MORC2: variants seen among roughly 807,000 people sequenced by gnomAD.
MORC2 encodes the protein MORC family CW-type zinc finger 2.
Under a neutral mutation model 136.0 loss-of-function variants are expected in MORC2, and 30 were observed. The ratio of observed to expected loss-of-function variants is 0.22; its 90% confidence interval spans 0.17 to 0.30. The LOEUF is 0.30. MORC2 is among the 10% of genes least tolerant of loss of function. The probability of loss-of-function intolerance (pLI) is 1.00; values close to 1 mark genes in which losing one functional copy is unlikely to be tolerated. For missense variants in MORC2, 922 were observed against 1,333.1 expected, an observed-to-expected ratio of 0.69 and a Z score of 4.80; for synonymous variants, 439 against 487.0, an observed-to-expected ratio of 0.90 and a Z score of 1.30.
At chr22:30,954,122 G>C (rs1487442166) in intron 3 of MORC2, among the ~76,000 whole-genome samples, 1 of 152,056 alleles carries the variant, frequency 6.6e-6, no homozygotes, top group Non-Finnish European at 1.5e-5. Context: ...TGGGCAACAT[G>C]GTGAAAAAAT....
At chr22:30,942,034 T>TCC in intron 7 of MORC2, 32 bp from the exon 8 acceptor site, 1 of 1,610,280 alleles carries the variant, frequency 6.2e-7, no homozygotes, top group Non-Finnish European at 8.5e-7. Context: ...TCCTGCCAGA[T>TCC]CCCCCGGCCC....
In MORC2 at chr22:30,927,964, C is replaced by T; in HGVS notation, c.3030+55G>A. ...TGAGAACAGGAACAGGGCCCAGGCCCCCCTCCCTGAGAGACCAGGTGGTCC... is the reference window on the plus strand; with the variant it reads ...TGAGAACAGGAACAGGGCCCAGGCCTCCCTCCCTGAGAGACCAGGTGGTCC... On this transcript the variant is annotated intron_variant, in intron 25 of 25. Transcript: ENST00000397641. The T allele has an allele frequency of 3.8e-6, 6 of 1,598,160 alleles. No homozygotes were observed. The South Asian group carries it at 6.6e-5, about 18-fold the overall frequency.
chr22:30,948,592 G>C (rs1241441780), intron 5 of MORC2, among the ~76,000 whole-genome samples: 1 of 152,188 alleles, frequency 6.6e-6, no homozygotes, highest in South Asian at 2.1e-4. Flanking sequence ...GCTTAGAGAC[G>C]TAGTAGCGGA....
chr22:30,950,317 T>C lies in MORC2; in HGVS notation c.226+60A>G, dbSNP rs1157336831. On this transcript the variant is annotated intron_variant, in intron 4 of 25. Transcript: ENST00000397641. ...AAAAACAAGTTCACACAATAAGTAT[T>C]TTGTAAAAATGGTTACATCGCACCC... 3.3e-6 allele frequency: 5 copies of C among 1,527,564 alleles called. No individual in the cohort carries two copies. In the Admixed American group the frequency reaches 6.7e-5, roughly 21 times the overall value. The allele number at this position is 1,527,564 out of a possible 1,614,324, so 94.6% of individuals were successfully genotyped here.
In MORC2 at chr22:30,941,328, A is replaced by G; in HGVS notation, c.824+105T>C. On this transcript the variant is annotated intron_variant, in intron 9 of 25. Coordinates refer to ENST00000397641, the MANE Select transcript of MORC2 (RefSeq NM_001303256.3). This position sits in a 1 kb window ranked among gnomAD's most constrained non-coding sequence, Gnocchi z 4.6. ...ACTTAAAGTCCCAAACGTAGTCAGC[A>G]CTGCCAGAGCCTCTTATACAGCATC... The G allele has an allele frequency of 6.8e-7, 1 of 1,479,634 alleles. No homozygotes were observed. The highest frequency in any genetic ancestry group is 9.1e-7 in the Non-Finnish European group (1 of 1,104,552). The allele number at this position is 1,479,634 out of a possible 1,614,324, so 91.7% of individuals were successfully genotyped here.
rs60514280 is a variant in MORC2, at chr22:30,926,550, C to CAAAAAAAAAAAAAAA, written c.*238_*252dup. 2 of 25,742 alleles carry CAAAAAAAAAAAAAAA rather than the reference C, an allele frequency of 7.8e-5. 1 individual carries two copies. 1.6% of individuals were successfully genotyped at this position (25,742 alleles called of 1,614,324 possible). A position where few individuals can be genotyped will look rare whatever the true frequency, so the allele number is the denominator to read the frequency against. ...AAGGTTCTCTGTCCTTTGCAGTCAC[C>CAAAAAAAAAAAAAAA]AAAAAAAAAAAAAAAAAAAAAAAAA... On this transcript the variant is annotated 3_prime_UTR_variant, in exon 26 of 26. Coordinates refer to ENST00000397641, the MANE Select transcript of MORC2 (RefSeq NM_001303256.3).
At position 30,933,967 on chromosome 22, in the gene MORC2, A is replaced by G. The variant is rs5753398; in HGVS notation, c.2325+93T>C. ...GGTGGGTTGTGTAGACTGCTGGTGG[A>G]TGGTATAGACTGCTGATGGGGGGTG... On this transcript the variant is annotated intron_variant, in intron 20 of 25. Transcript: ENST00000397641. 0.53 allele frequency: 796,164 copies of G among 1,489,944 alleles called. 214,656 individuals are homozygous for G. The highest frequency in any genetic ancestry group is 0.73 in the East Asian group (32,068 of 43,856). 92.3% of individuals were successfully genotyped at this position (1,489,944 alleles called of 1,614,324 possible). A position where few individuals can be genotyped will look rare whatever the true frequency, so the allele number is the denominator to read the frequency against.
chr22:30,944,732 C>T (rs1279797661), intron 6 of MORC2, among the ~76,000 whole-genome samples: 7 of 152,196 alleles, frequency 4.6e-5, no homozygotes, highest in Non-Finnish European at 1.5e-5. Context: ...CCATGACTCC[C>T]CTGCTTCGCT....
rs751406375 is a variant in MORC2 at position 30,942,018 on chromosome 22, C to A, written c.587-16G>T. The A allele has an allele frequency of 6.2e-7, 1 of 1,611,736 alleles. No homozygotes were observed. The highest frequency in any genetic ancestry group is 8.5e-7 in the Non-Finnish European group (1 of 1,177,868). ...ACCAATGTTCCTGAGAAACAGAAAT[C>A]TTTTGTCCTGCCAGATCCCCCGGCC... On this transcript the variant is annotated splice_polypyrimidine_tract_variant and intron_variant, in intron 7 of 25. Transcript: ENST00000397641.
At chr22:30,960,890 A>T (rs1160794257) in intron 1 of MORC2, among the ~76,000 whole-genome samples, 1 of 147,446 alleles carries the variant, frequency 6.8e-6, no homozygotes, top group African/African-American at 2.5e-5. Context: ...TTTGAGACAG[A>T]GTCTCACTGC....
At chr22:30,957,267 T>C (rs1258112439) in intron 2 of MORC2, among the ~76,000 whole-genome samples, 1 of 152,242 alleles carries the variant, frequency 6.6e-6, no homozygotes, top group Non-Finnish European at 1.5e-5. Flanking sequence ...TCTCGTGGTA[T>C]ACACACTGCA....
rs1258894762 is a variant in MORC2 at position 30,941,473 on chromosome 22, C to T, written c.784G>A (p.Val262Met). The change falls in exon 9 of 26, where the codon GTG becomes ATG. Residue 262 changes from valine (V) to methionine (M), a missense_variant. Physicochemically the swap from Val to Met is conservative, Grantham distance 21. This residue lies in a region of MORC2 where 261 missense variants were observed against 354.3 expected (regional missense o/e 0.74). Transcript: ENST00000397641. This position sits in a 1 kb window ranked among gnomAD's most constrained non-coding sequence, Gnocchi z 4.6. ...CAGCAGGAGAGCCTCTTGGTCTGCA[C>T]CTTGTGCCCATGGATGAAGATCCTC... is the stretch of plus-strand genomic sequence containing the variant. ...RMRIFIHGHK[V>M]QTKRLSCCLY... 6 of 1,613,934 alleles carry T rather than the reference C, an allele frequency of 3.7e-6. No homozygotes were observed. Among genetic ancestry groups the T allele is most frequent in the Non-Finnish European group, 5.1e-6 (6 of 1,180,008 alleles).
intron 20 of MORC2, 69 bp downstream of exon 20, chr22:30,933,991 T>C: frequency 6.6e-7 from 1 of 1,518,978 alleles, no homozygotes; most frequent in Non-Finnish European, 9.0e-7. Context: ...TGATGGGGGG[T>C]GCAGACTGCT....
chr22:30,933,158 CACCAGGGACACAGAG>C (rs2040601270), intron 21 of MORC2, 128 bp from the exon 22 acceptor site: 2 of 1,334,928 alleles, frequency 1.5e-6, no homozygotes, highest in Admixed American at 2.0e-5. Context: ...GCCCCCACTA[CACCAGGGACACAGAG>C]ACCAGGGACC....
At chr22:30,959,653 T>C (rs992748262) in intron 1 of MORC2, among the ~76,000 whole-genome samples, 2 of 152,128 alleles carry the variant, frequency 1.3e-5, no homozygotes, top group East Asian at 3.8e-4. Context: ...AAAAAAACAC[T>C]TGACTTCTGA....
At chr22:30,944,652 T>C (rs963785897) in intron 6 of MORC2, among the ~76,000 whole-genome samples, 2 of 152,070 alleles carry the variant, frequency 1.3e-5, no homozygotes, top group Admixed American at 6.6e-5. Flanking sequence ...CCCTCCATAC[T>C]TCCCCTCTTC....
At chr22:30,957,684 C>T (rs3788426) in intron 2 of MORC2, among the ~76,000 whole-genome samples, 61,592 of 152,066 alleles carry the variant, frequency 0.41, 13,570 homozygotes, top group East Asian at 0.67. Flanking sequence ...AATTCAAACA[C>T]AGTTCCATTA....
intron 25 of MORC2, among the ~76,000 whole-genome samples, chr22:30,927,749 G>T (rs919966604): frequency 2.0e-5 from 3 of 152,224 alleles, no homozygotes; most frequent in African/African-American, 7.2e-5. Flanking sequence ...ATGTGGAAAA[G>T]AACTTCGTTT....
intron 24 of MORC2, among the ~76,000 whole-genome samples, chr22:30,930,872 G>A (rs984869099): frequency 5.9e-5 from 9 of 152,158 alleles, no homozygotes; most frequent in Admixed American, 3.9e-4. Context: ...CGTGCACAAT[G>A]CACATCACCA....
Sources: allele counts gnomAD v4.1 joint callset (sites outside exome capture counted in the v4.1 genomes callset), GRCh38; gene constraint gnomAD v4.1.1; regional missense constraint gnomAD v4.1.1; non-coding constraint Gnocchi (gnomAD v3.1); transcripts MANE v1.5; gene names NCBI Gene and HGNC (gene_info 2026-07-23, HGNC 2026-07-21).